The following ZBBX variants were observed in gnomAD, a reference collection of about 807,000 sequenced individuals.
The protein encoded by ZBBX is zinc finger B-box domain containing.
ZBBX carries 101 observed loss-of-function variants against 108.5 expected under a neutral mutation model. The observed-to-expected ratio is 0.93, with a 90% CI of 0.79 to 1.10. The LOEUF is 1.10. Ranked by LOEUF, ZBBX falls within the 50% of genes least tolerant of loss-of-function variation. The pLI is 0.00. For missense variants in ZBBX, 1,009 were observed against 941.4 expected, an observed-to-expected ratio of 1.07 and a Z score of -0.94; for synonymous variants, 356 against 323.4, an observed-to-expected ratio of 1.10 and a Z score of -1.08.
At chr3:167,277,055 A>G (rs989782491) in intron 20 of ZBBX, among the ~76,000 whole-genome samples, 3 of 152,156 alleles carry the variant, frequency 2.0e-5, no homozygotes, top group East Asian at 1.9e-4. Context: ...GAGAAATTTT[A>G]TCACCACCAG....
chr3:167,224,101 A>G, the ZBBX span, among the ~76,000 whole-genome samples: 1 of 152,054 alleles, frequency 6.6e-6, no homozygotes, highest in East Asian at 1.9e-4. Context: ...CATGCCAATT[A>G]GCAGTCCATT....
intron 20 of ZBBX, among the ~76,000 whole-genome samples, chr3:167,253,757 A>C (rs1305564962): frequency 6.6e-6 from 1 of 152,222 alleles, no homozygotes; most frequent in Admixed American, 6.5e-5. Flanking sequence ...TAGGCAAGTG[A>C]AATCCAAAGA....
chr3:167,247,263 C>T lies in ZBBX; in HGVS notation c.2255-4620G>A, dbSNP rs995385014. Among the ~76,000 whole-genome samples, 10 of 152,260 alleles carry T rather than the reference C, an allele frequency of 6.6e-5. No individual in the cohort carries two copies. In the South Asian group the frequency reaches 1.9e-3, roughly 28 times the overall value. On this transcript the variant is annotated intron_variant, in intron 20 of 21. Transcript: ENST00000675490. ...GGCAAGAGGACGTCAAGCGATCATG[C>T]TGGCAAAAGAGTACACTGACAGACT...
chr3:167,285,273 C>T (rs1729495968), intron 19 of ZBBX, among the ~76,000 whole-genome samples: 1 of 152,030 alleles, frequency 6.6e-6, no homozygotes, highest in Non-Finnish European at 1.5e-5. Context: ...ATCGTTATTG[C>T]TATTCTAAAT....
At chr3:167,194,824 G>A in the ZBBX span, among the ~76,000 whole-genome samples, 1 of 152,262 alleles carries the variant, frequency 6.6e-6, no homozygotes, top group Admixed American at 6.5e-5. Flanking sequence ...CTAGAGGCTG[G>A]TTCACCAAGA....
intron 9 of ZBBX, among the ~76,000 whole-genome samples, chr3:167,337,896 G>C (rs1202007196): frequency 1.3e-5 from 2 of 152,082 alleles, no homozygotes; most frequent in African/African-American, 4.8e-5. Context: ...ATTTTCAAAT[G>C]TTAAAACTCA....
At chr3:167,337,363 C>CA (rs1268045187) in intron 9 of ZBBX, among the ~76,000 whole-genome samples, 1 of 151,926 alleles carries the variant, frequency 6.6e-6, no homozygotes, top group Non-Finnish European at 1.5e-5. Context: ...ACTAAAAATA[C>CA]AAAAAATTAG....
At chr3:167,329,405 G>T (rs970791656) in intron 10 of ZBBX, among the ~76,000 whole-genome samples, 1 of 152,172 alleles carries the variant, frequency 6.6e-6, no homozygotes, top group Non-Finnish European at 1.5e-5. Flanking sequence ...AGGGTATATT[G>T]TTAAAGACGT....
chr3:167,399,079 C>T (rs1201227157), intron 1 of ZBBX, among the ~76,000 whole-genome samples: 1 of 150,778 alleles, frequency 6.6e-6, no homozygotes, highest in Non-Finnish European at 1.5e-5. Context: ...AAGGCTCTCA[C>T]CGGATGCAGA....
At chr3:167,291,968 C>T (rs1730770302) in intron 18 of ZBBX, among the ~76,000 whole-genome samples, 1 of 152,144 alleles carries the variant, frequency 6.6e-6, no homozygotes, top group African/African-American at 2.4e-5. Flanking sequence ...GAAGCCATTA[C>T]ATAATGGTAA....
chr3:167,264,887 CA>C (rs1193761605), intron 20 of ZBBX, among the ~76,000 whole-genome samples: 2 of 152,202 alleles, frequency 1.3e-5, no homozygotes, highest in Non-Finnish European at 2.9e-5. Flanking sequence ...ACTCGGCCAC[CA>C]CCAATGTTTG....
chr3:167,246,520 AG>A, intron 20 of ZBBX, among the ~76,000 whole-genome samples: 1 of 152,210 alleles, frequency 6.6e-6, no homozygotes, highest in African/African-American at 2.4e-5. Flanking sequence ...TGTAAGAAAA[AG>A]TGCTTTCATC....
At chr3:167,388,799 A>G (rs1747999804) in intron 1 of ZBBX, among the ~76,000 whole-genome samples, 2 of 152,006 alleles carry the variant, frequency 1.3e-5, no homozygotes, top group Non-Finnish European at 2.9e-5. Context: ...GTTCAAGCCA[A>G]TGAGACTCAA....
At chr3:167,190,407 GTCTC>G in the ZBBX span, among the ~76,000 whole-genome samples, 7 of 133,184 alleles carry the variant, frequency 5.3e-5, no homozygotes, top group Non-Finnish European at 9.2e-5. Flanking sequence ...TTGAGACGGA[GTCTC>G]TCTCTGTCGC....
intron 9 of ZBBX, among the ~76,000 whole-genome samples, chr3:167,335,118 CT>C (rs1739343794): frequency 6.6e-6 from 1 of 152,118 alleles, no homozygotes; most frequent in Non-Finnish European, 1.5e-5. Context: ...CTGCGTAGAT[CT>C]CTACCAGCCC....
chr3:167,243,428 C>T (rs918152735), intron 20 of ZBBX, among the ~76,000 whole-genome samples: 3 of 150,528 alleles, frequency 2.0e-5, no homozygotes, highest in Non-Finnish European at 3.0e-5. Context: ...GACAGAATTT[C>T]GGTCTTGTTG....
intron 12 of ZBBX, among the ~76,000 whole-genome samples, chr3:167,318,176 G>T (rs1342580980): frequency 6.6e-6 from 1 of 151,808 alleles, no homozygotes; most frequent in Admixed American, 6.6e-5. Context: ...GTGTATATTT[G>T]GTTTCATAGT....
At chr3:167,304,213 A>G (rs1733204226) in intron 17 of ZBBX, among the ~76,000 whole-genome samples, 1 of 152,180 alleles carries the variant, frequency 6.6e-6, no homozygotes, top group Non-Finnish European at 1.5e-5. Context: ...TTTACTGTCT[A>G]GTGTAATGAA....
chr3:167,202,030 C>G, the ZBBX span, among the ~76,000 whole-genome samples: 2 of 152,158 alleles, frequency 1.3e-5, no homozygotes, highest in Non-Finnish European at 2.9e-5. Context: ...CATGTTCCTG[C>G]TCTGTTTCAT....
Sources: gnomAD v4.1 joint callset for allele counts (sites outside exome capture counted in the v4.1 genomes callset) on GRCh38, gnomAD v4.1.1 for gene constraint, MANE v1.5 for transcripts, NCBI Gene and HGNC (gene_info 2026-07-23, HGNC 2026-07-21) for gene names.